SPATA6: variants seen among roughly 807,000 people sequenced by gnomAD.
SPATA6 encodes spermatogenesis associated 6.
Under a neutral mutation model 65.3 loss-of-function variants are expected in SPATA6, and 56 were observed. The observed-to-expected ratio is 0.86, with a 90% CI of 0.69 to 1.07. The LOEUF (loss-of-function observed/expected upper bound fraction) is 1.07. Ranked by LOEUF, SPATA6 falls within the 50% of genes least tolerant of loss-of-function variation. The pLI, the probability that SPATA6 is intolerant of heterozygous loss-of-function variation, is 0.00. For missense variants in SPATA6, 590 were observed against 594.8 expected, an observed-to-expected ratio of 0.99 and a Z score of 0.08; for synonymous variants, 199 against 213.2, an observed-to-expected ratio of 0.93 and a Z score of 0.58.
At chr1:48,423,286 A>C (rs1330469175) in intron 3 of SPATA6, among the ~76,000 whole-genome samples, 2 of 151,576 alleles carry the variant, frequency 1.3e-5, no homozygotes, top group Non-Finnish European at 2.9e-5. Context: ...GAGAAACCCC[A>C]CCTCTACTAA....
chr1:48,425,120 T>C (rs1289788689), intron 3 of SPATA6, among the ~76,000 whole-genome samples: 1 of 152,200 alleles, frequency 6.6e-6, no homozygotes, highest in East Asian at 1.9e-4. Flanking sequence ...TTTCATAATT[T>C]GAGGTCTTAG....
intron 3 of SPATA6, among the ~76,000 whole-genome samples, chr1:48,440,668 A>C (rs751367558): frequency 6.6e-6 from 1 of 152,162 alleles, no homozygotes; most frequent in Non-Finnish European, 1.5e-5. Flanking sequence ...AAGGAAGAAA[A>C]TCCTTCTGCC....
At chr1:48,343,546 G>A (rs1646277764) in intron 11 of SPATA6, among the ~76,000 whole-genome samples, 1 of 152,112 alleles carries the variant, frequency 6.6e-6, no homozygotes. Context: ...GAGAGAGAGG[G>A]AAGGAAAGTA....
At chr1:48,468,151 G>A (rs1215930195) in intron 1 of SPATA6, among the ~76,000 whole-genome samples, 2 of 152,172 alleles carry the variant, frequency 1.3e-5, no homozygotes, top group Admixed American at 1.3e-4. Flanking sequence ...TGATATGGAA[G>A]CAACCTAAGT....
intron 8 of SPATA6, among the ~76,000 whole-genome samples, chr1:48,391,693 T>C (rs1650088630): frequency 1.3e-5 from 2 of 152,180 alleles, no homozygotes; most frequent in African/African-American, 2.4e-5. Flanking sequence ...CCCATGGCTG[T>C]GAAGTACTTA....
chr1:48,437,702 T>A (rs1655066965), intron 3 of SPATA6, among the ~76,000 whole-genome samples: 1 of 152,304 alleles, frequency 6.6e-6, no homozygotes, highest in South Asian at 2.1e-4. Context: ...TGCTTTCCTT[T>A]TTTCTTCTGT....
the SPATA6 span, among the ~76,000 whole-genome samples, chr1:48,288,903 G>C: frequency 6.6e-6 from 1 of 152,244 alleles, no homozygotes; most frequent in Non-Finnish European, 1.5e-5. Context: ...TGCCTCTGTA[G>C]GCTCCACCTC....
intron 11 of SPATA6, among the ~76,000 whole-genome samples, chr1:48,320,208 T>C (rs113502455): frequency 0.025 from 3,748 of 152,200 alleles, 98 homozygotes; most frequent in African/African-American, 0.067. Context: ...AAAGGGATAA[T>C]AACAGAGAAC....
chr1:48,381,648 CT>C (rs36045284), intron 9 of SPATA6, among the ~76,000 whole-genome samples: 14,492 of 112,368 alleles, frequency 0.13, 1,196 homozygotes, highest in African/African-American at 0.28. Context: ...TATGGTTTTT[CT>C]TTTTTTTTTT....
At chr1:48,354,722 T>C (rs1438988646) in intron 11 of SPATA6, among the ~76,000 whole-genome samples, 1 of 151,912 alleles carries the variant, frequency 6.6e-6, no homozygotes, top group African/African-American at 2.4e-5. Context: ...TATCTTGCTG[T>C]TAGAAGATAA....
At position 48,416,073 on chromosome 1, in the gene SPATA6, C is replaced by T. The variant is rs376173683; in HGVS notation, c.239-2922G>A. Reference sequence around the variant, plus strand: ...CAAAAATTAGCTGGGCATGGTGGCACGCACCTCTAGTCCCAGCTACTCGGG... The same window carrying T: ...CAAAAATTAGCTGGGCATGGTGGCATGCACCTCTAGTCCCAGCTACTCGGG... On this transcript the variant is annotated intron_variant, in intron 3 of 12. Transcript: ENST00000371847. 5.3e-5 allele frequency among the ~76,000 whole-genome samples: 8 copies of T among 152,042 alleles called. 1 individual carries two copies. In the East Asian group the frequency reaches 9.7e-4, roughly 18 times the overall value.
chr1:48,405,421 T>C (rs1007733035), intron 5 of SPATA6, among the ~76,000 whole-genome samples: 1 of 152,222 alleles, frequency 6.6e-6, no homozygotes, highest in Non-Finnish European at 1.5e-5. Context: ...TATGTGTTTC[T>C]GTGTTGAAAT....
At chr1:48,346,395 C>G (rs779319503) in intron 11 of SPATA6, among the ~76,000 whole-genome samples, 9 of 152,082 alleles carry the variant, frequency 5.9e-5, no homozygotes, top group Non-Finnish European at 1.2e-4. Flanking sequence ...AAGCTAGAAG[C>G]ATTCCCCTTG....
intron 12 of SPATA6, among the ~76,000 whole-genome samples, chr1:48,301,554 A>G (rs569809159): frequency 6.6e-6 from 1 of 152,000 alleles, no homozygotes; most frequent in East Asian, 1.9e-4. Context: ...CACAAAAAAA[A>G]AAACTAGAAT....
the SPATA6 span, among the ~76,000 whole-genome samples, chr1:48,272,447 G>T: frequency 6.6e-6 from 1 of 151,952 alleles, no homozygotes; most frequent in Admixed American, 6.6e-5. Context: ...GTATTTTTCT[G>T]TGTCTTGCTT....
downstream of SPATA6, among the ~76,000 whole-genome samples, chr1:48,292,774 G>A (rs1359027737): frequency 6.6e-6 from 1 of 152,256 alleles, no homozygotes. Context: ...CCAGTTGTGT[G>A]CATGCACATG....
chr1:48,471,867 AG>A, intron 1 of SPATA6, 90 bp downstream of exon 1: 2 of 1,430,012 alleles, frequency 1.4e-6, no homozygotes, highest in African/African-American at 1.4e-5. Flanking sequence ...CGGAGGGTGA[AG>A]GAGGTTTGGG....
In SPATA6 at chr1:48,355,410, T is replaced by C. The variant is rs1449775043; in HGVS notation, c.1194+260A>G. The stretch of plus-strand genomic sequence containing the variant: ...TGAAATAATTATCATCAAGTCACTA[T>C]GTACTGAAACTTTATAAGATAATTA... On this transcript the variant is annotated intron_variant, in intron 11 of 12. Coordinates refer to ENST00000371847, the MANE Select transcript of SPATA6 (RefSeq NM_019073.4). The C allele has an allele frequency of 1.0e-5, 3 of 287,102 alleles. No homozygotes were observed. The East Asian group carries it at 1.8e-4, about 18-fold the overall frequency. 17.8% of individuals were successfully genotyped at this position (287,102 alleles called of 1,614,324 possible).
At chr1:48,356,523 T>C (rs1646666062) in intron 10 of SPATA6, among the ~76,000 whole-genome samples, 1 of 147,300 alleles carries the variant, frequency 6.8e-6, no homozygotes, top group Admixed American at 6.8e-5. Flanking sequence ...TTTTTTTTTT[T>C]TTTTTTTTGA....
Sources: gnomAD v4.1 joint callset for allele counts (sites outside exome capture counted in the v4.1 genomes callset) on GRCh38, gnomAD v4.1.1 for gene constraint, MANE v1.5 for transcripts, NCBI Gene and HGNC (gene_info 2026-07-23, HGNC 2026-07-21) for gene names.